The following PCDHGA5 variants were observed in gnomAD, a reference collection of about 807,000 sequenced individuals.
The protein encoded by PCDHGA5 is protocadherin gamma subfamily A, 5.
PCDHGA5 carries 36 observed loss-of-function variants against 56.7 expected under a neutral mutation model. That is an observed-to-expected ratio of 0.64 (90% CI 0.49 to 0.84). The LOEUF (loss-of-function observed/expected upper bound fraction) is 0.84. Ranked by LOEUF, PCDHGA5 falls within the 40% of genes least tolerant of loss-of-function variation. The probability of loss-of-function intolerance (pLI) is 0.00; values close to 1 mark genes in which losing one functional copy is unlikely to be tolerated. For missense variants in PCDHGA5, 1,305 were observed against 1,201.5 expected (o/e 1.09, Z -1.27); for synonymous variants, 563 against 520.2 (o/e 1.08, Z -1.12).
rs772962568 is a variant in PCDHGA5, at chr5:141,476,311, G to A, written c.2422-18496G>A. The stretch of plus-strand genomic sequence containing the variant: ...ATCTCGGTAGCCTCTCAGCCCGCAG[G>A]TTCCGGGTGGTGTCTGGAGCTAGCC... On this transcript the variant is annotated intron_variant, in intron 1 of 3. Transcript: ENST00000518069. The surrounding 1 kb of genome is among the most constrained non-coding windows in gnomAD (Gnocchi z 7.6). 13 of 1,613,680 alleles carry A rather than the reference G, an allele frequency of 8.1e-6. No individual in the cohort carries two copies. The African/African-American group carries it at 1.5e-4, about 18-fold the overall frequency.
intron 1 of PCDHGA5, chr5:141,400,564 C>G (rs532914635): frequency 1.9e-6 from 3 of 1,612,936 alleles, no homozygotes; most frequent in Admixed American, 1.7e-5. Flanking sequence ...ATTACCCACC[C>G]AATTTTCTGT....
chr5:141,395,542 TTGTGTGTGTGTGTGTGTGTGTGTGTG>T lies in PCDHGA5; in HGVS notation c.2421+28815_2421+28840del, dbSNP rs55729045. 7.0e-5 allele frequency: 12 copies of T among 172,630 alleles called. No homozygotes were observed. In the South Asian group the frequency reaches 8.7e-4, roughly 12 times the overall value. 10.7% of individuals were successfully genotyped at this position (172,630 alleles called of 1,614,324 possible). ...TCCATACTGGTAATTTTGCTATTGTTTGTGTGTGTGTGTGTGTGTGTGTGTGTGTGTGTGTGTGTGTGTGTGTGTAT... is the reference window on the plus strand; with the variant it reads ...TCCATACTGGTAATTTTGCTATTGTTTGTGTGTGTGTGTGTGTGTGTGTAT... On this transcript the variant is annotated intron_variant, in intron 1 of 3. Coordinates refer to ENST00000518069, the MANE Select transcript of PCDHGA5 (RefSeq NM_018918.3).
chr5:141,431,700 TC>T lies in PCDHGA5; in HGVS notation c.2422-63106del. On this transcript the variant is annotated intron_variant, in intron 1 of 3. Coordinates refer to ENST00000518069, the MANE Select transcript of PCDHGA5 (RefSeq NM_018918.3). The surrounding 1 kb of genome is among the most constrained non-coding windows in gnomAD (Gnocchi z 4.8). ...GAGTTGGACCACGAGGAGTCAGGAT[TC>T]TACCAGATGGAAGTGCAAGCAATGG... 6.2e-7 allele frequency: 1 copy of T among 1,614,218 alleles called. No individual in the cohort carries two copies.
intron 1 of PCDHGA5, chr5:141,398,862 C>T (rs771326288): frequency 1.9e-5 from 31 of 1,613,848 alleles, no homozygotes; most frequent in Non-Finnish European, 2.6e-5. Flanking sequence ...TCAACCGAGA[C>T]GTGTACAGAG....
At chr5:141,443,312 C>T (rs1296976995) in intron 1 of PCDHGA5, among the ~76,000 whole-genome samples, 2 of 115,698 alleles carry the variant, frequency 1.7e-5, no homozygotes, top group Non-Finnish European at 3.3e-5. Flanking sequence ...AAAAACCCAT[C>T]TCTACAAAAA....
intron 3 of PCDHGA5, among the ~76,000 whole-genome samples, chr5:141,509,040 C>T (rs1217864661): frequency 6.6e-6 from 1 of 152,132 alleles, no homozygotes; most frequent in African/African-American, 2.4e-5. Context: ...CAACCCCTCT[C>T]CCCCGCCCCC....
intron 1 of PCDHGA5, chr5:141,413,119 G>C: frequency 6.6e-7 from 1 of 1,522,222 alleles, no homozygotes; most frequent in Non-Finnish European, 8.8e-7. Flanking sequence ...AAAGGAACCG[G>C]TTGAAACACA....
intron 1 of PCDHGA5, chr5:141,441,809 C>A: frequency 2.7e-6 from 1 of 373,176 alleles, no homozygotes; most frequent in East Asian, 9.0e-5. Context: ...GGGTGCTGTA[C>A]CCCAGCTCTG....
chr5:141,464,530 T>C (rs375523203), intron 1 of PCDHGA5, among the ~76,000 whole-genome samples: 1 of 152,108 alleles, frequency 6.6e-6, no homozygotes, highest in African/African-American at 2.4e-5. Flanking sequence ...TATGTAGTTT[T>C]GTTAAATATA....
rs537066811 is a variant in PCDHGA5 at position 141,365,422 on chromosome 5, T to C, written c.1092T>C (p.Thr364=). The C allele has an allele frequency of 2.5e-6, 4 of 1,614,032 alleles. No homozygotes were observed. Among genetic ancestry groups the C allele is most frequent in the East Asian group, 2.2e-5 (1 of 44,876 alleles). ...SSISEDCLPG[T]VIALFSVHDG... ...TCTCTGAAGACTGTCTTCCCGGAACTGTAATCGCGCTGTTTAGCGTACATG... is the reference window on the plus strand; with the variant it reads ...TCTCTGAAGACTGTCTTCCCGGAACCGTAATCGCGCTGTTTAGCGTACATG... Residue 364 remains threonine, a synonymous_variant, in exon 1 of 4, where the codon ACT becomes ACC. Coordinates refer to ENST00000518069, the MANE Select transcript of PCDHGA5 (RefSeq NM_018918.3).
chr5:141,473,784 G>A (rs1457988232), intron 1 of PCDHGA5, among the ~76,000 whole-genome samples: 1 of 152,226 alleles, frequency 6.6e-6, no homozygotes, highest in Non-Finnish European at 1.5e-5. Flanking sequence ...TTTAATTCAA[G>A]AGCAGTATGA....
chr5:141,409,034 A>C, intron 1 of PCDHGA5: 1 of 1,613,992 alleles, frequency 6.2e-7, no homozygotes, highest in Non-Finnish European at 8.5e-7. Context: ...TGCTGAGATA[A>C]ACTACTACTT....
Position 141,490,743 on chromosome 5 carries a change from C to T in PCDHGA5, c.2422-4064C>T, listed in dbSNP as rs1011278142. 7.4e-6 allele frequency: 12 copies of T among 1,614,058 alleles called. No homozygotes were observed. The highest frequency in any genetic ancestry group is 1.0e-5 in the Non-Finnish European group (12 of 1,180,038). On this transcript the variant is annotated intron_variant, in intron 1 of 3. Transcript: ENST00000518069. This position sits in a 1 kb window ranked among gnomAD's most constrained non-coding sequence, Gnocchi z 5.4. ...TTGTAGGAAATCAGGTTCAGGGAGC[C>T]CCAGCCTCCTCCTTTGTGTATGTCA...
chr5:141,404,513 G>C, intron 1 of PCDHGA5: 2 of 1,613,786 alleles, frequency 1.2e-6, no homozygotes, highest in Non-Finnish European at 8.5e-7. Context: ...GTGCTCCTTT[G>C]ACTATGAGCA....
intron 1 of PCDHGA5, chr5:141,409,257 T>C: frequency 6.2e-7 from 1 of 1,614,022 alleles, no homozygotes; most frequent in Non-Finnish European, 8.5e-7. Flanking sequence ...ATCACTTCTC[T>C]CTCTGATCAG....
In PCDHGA5 at chr5:141,490,108, C is replaced by A; in HGVS notation, c.2422-4699C>A. The A allele has an allele frequency of 6.2e-7, 1 of 1,614,244 alleles. No homozygotes were observed. The highest frequency in any genetic ancestry group is 8.5e-7 in the Non-Finnish European group (1 of 1,180,034). On this transcript the variant is annotated intron_variant, in intron 1 of 3. Transcript: ENST00000518069. This position sits in a 1 kb window ranked among gnomAD's most constrained non-coding sequence, Gnocchi z 5.4. The stretch of plus-strand genomic sequence containing the variant: ...TGGAGACCACACATCTGAGGCAGTG[C>A]GGAACCTCTTTGGCCTAGACCCTAG...
chr5:141,490,589 A>G lies in PCDHGA5; in HGVS notation c.2422-4218A>G, dbSNP rs761250654. On this transcript the variant is annotated intron_variant, in intron 1 of 3. Transcript: ENST00000518069. The surrounding 1 kb of genome is among the most constrained non-coding windows in gnomAD (Gnocchi z 5.4). ...CTCAACATTTCAGATGTCAATGACA[A>G]TGCACCCCGCTTCAACCAGCAGCTT... The G allele has an allele frequency of 5.7e-5, 92 of 1,614,042 alleles. No individual in the cohort carries two copies. Among genetic ancestry groups the G allele is most frequent in the Non-Finnish European group, 7.6e-5 (90 of 1,180,036 alleles).
chr5:141,428,197 G>A, intron 1 of PCDHGA5: 3 of 1,385,968 alleles, frequency 2.2e-6, no homozygotes, highest in Non-Finnish European at 3.0e-6. Context: ...CGCTCTCTGC[G>A]CCGCTACGCT....
intron 1 of PCDHGA5, chr5:141,371,783 G>C (rs1396118548): frequency 6.2e-7 from 1 of 1,613,986 alleles, no homozygotes. Context: ...ATGTAGCTGA[G>C]AACAATCCGC....
Sources: allele counts gnomAD v4.1 joint callset (sites outside exome capture counted in the v4.1 genomes callset), GRCh38; gene constraint gnomAD v4.1.1; non-coding constraint Gnocchi (gnomAD v3.1); transcripts MANE v1.5; gene names NCBI Gene and HGNC (gene_info 2026-07-23, HGNC 2026-07-21).